KRT34: variants seen among roughly 807,000 people sequenced by gnomAD.
The protein encoded by KRT34 is keratin, type I cuticular Ha4.
Under a neutral mutation model 41.7 loss-of-function variants are expected in KRT34, and 31 were observed. The observed-to-expected ratio is 0.74, with a 90% CI of 0.56 to 1.00. The LOEUF is 1.00. Ranked by LOEUF, KRT34 falls within the 50% of genes least tolerant of loss-of-function variation. The pLI, the probability that KRT34 is intolerant of heterozygous loss-of-function variation, is 0.00. For synonymous variants in KRT34, 224 were observed against 212.9 expected (o/e 1.05, Z -0.45); for missense variants, 523 against 500.3 (o/e 1.05, Z -0.43).
chr17:41,382,450 C>T, upstream of KRT34: 3 of 1,200,144 alleles, frequency 2.5e-6, no homozygotes, highest in South Asian at 1.4e-5. Context: ...CCCCCCTCAA[C>T]CCATAAAATT....
chr17:41,382,339 C>A, upstream of KRT34: 1 of 1,612,700 alleles, frequency 6.2e-7, no homozygotes, highest in Non-Finnish European at 8.5e-7. Flanking sequence ...CCTTTTATAC[C>A]ATTAATTGTG....
At chr17:41,381,269 T>A in intron 2 of KRT34, 57 bp from the exon 3 acceptor site, 1 of 1,562,934 alleles carries the variant, frequency 6.4e-7, no homozygotes, top group Non-Finnish European at 8.7e-7. Flanking sequence ...TCCCCTCTCA[T>A]GTGTTGTTTG....
chr17:41,381,573 C>T (rs890325230), intron 2 of KRT34, 140 bp downstream of exon 2: 1 of 748,086 alleles, frequency 1.3e-6, no homozygotes, highest in Non-Finnish European at 2.2e-6. Context: ...GCACATGAGT[C>T]TAGTTCCCTA....
At chr17:41,378,873 A>G in intron 6 of KRT34, 83 bp downstream of exon 6, 3 of 1,555,094 alleles carry the variant, frequency 1.9e-6, no homozygotes, top group Non-Finnish European at 2.6e-6. Context: ...TTGCCTGACT[A>G]GTTGAAAACA....
upstream of KRT34, among the ~76,000 whole-genome samples, chr17:41,382,660 C>T (rs1386434701): frequency 6.6e-6 from 1 of 152,196 alleles, no homozygotes; most frequent in Non-Finnish European, 1.5e-5. Context: ...GAGTTTCCGC[C>T]ACTGTTCTTT....
At position 41,379,658 on chromosome 17, in the gene KRT34, A is replaced by G; in HGVS notation, c.662T>C (p.Leu221Pro). 1.2e-6 allele frequency: 2 copies of G among 1,614,184 alleles called. No homozygotes were observed. Among genetic ancestry groups the G allele is most frequent in the Non-Finnish European group, 1.7e-6 (2 of 1,180,010 alleles). The change falls in exon 4 of 7, where the codon CTG becomes CCG. Residue 221 changes from leucine to proline, a missense_variant. Coordinates refer to ENST00000394001, the MANE Select transcript of KRT34 (RefSeq NM_001386014.1). ...CCTGGTCTCGTTCAGGACCTGGTTC[A>G]GGTCCACAGTGGGGGCAGTGTCCAC... ...VEVDTAPTVD[L>P]NQVLNETRSQ... is the part of the protein sequence containing the mutation.
At chr17:41,380,964 T>A in intron 3 of KRT34, 92 bp downstream of exon 3, 1 of 1,270,336 alleles carries the variant, frequency 7.9e-7, no homozygotes, top group East Asian at 2.3e-5. Context: ...CAGAGAAGGG[T>A]CCCAGACCAG....
At position 41,378,023 on chromosome 17, in the gene KRT34, G is replaced by A; in HGVS notation, c.*36C>T. ...GATCCTTCCTGTGGTTGATCTAAAT[G>A]GCTTTGTAGATGTCTTCAAAGAGGA... On this transcript the variant is annotated 3_prime_UTR_variant, in exon 7 of 7. Transcript: ENST00000394001. 6.8e-7 allele frequency: 1 copy of A among 1,474,584 alleles called. No individual in the cohort carries two copies. The allele number at this position is 1,474,584 out of a possible 1,614,324, so 91.3% of individuals were successfully genotyped here.
chr17:41,377,761 C>A lies in KRT34; in HGVS notation c.*298G>T, dbSNP rs1453470399. 1 of 361,254 alleles carries A rather than the reference C, an allele frequency of 2.8e-6. No homozygotes were observed. Among genetic ancestry groups the A allele is most frequent in the Non-Finnish European group, 5.0e-6 (1 of 199,580 alleles). 22.4% of individuals were successfully genotyped at this position (361,254 alleles called of 1,614,324 possible). ...AAAGAAAAAAGGAAAACAGGAAATG[C>A]AGTAGTACGTTCAGGAAACACCTTA... On this transcript the variant is annotated 3_prime_UTR_variant, in exon 7 of 7. Transcript: ENST00000394001.
At position 41,381,141 on chromosome 17, in the gene KRT34, T is replaced by C; in HGVS notation, c.503A>G (p.Glu168Gly). ...DINSIRRILD[E>G]LTLCKSDLES... ...CAGGTCAGACTTGCAGAGGGTCAGCTCATCCAGGATCCTGCGTATGCTGTT... is the reference window on the plus strand; with the variant it reads ...CAGGTCAGACTTGCAGAGGGTCAGCCCATCCAGGATCCTGCGTATGCTGTT... The change falls in exon 3 of 7, where the codon GAG (glutamate) becomes GGG (glycine). Residue 168 changes from glutamate (E) to glycine (G), a missense_variant. Physicochemically the swap from Glu to Gly is moderately conservative, Grantham distance 98. Transcript: ENST00000394001. 2 of 1,614,146 alleles carry C rather than the reference T, an allele frequency of 1.2e-6. No homozygotes were observed. The highest frequency in any genetic ancestry group is 1.7e-6 in the Non-Finnish European group (2 of 1,180,004).
rs2017970786 is a variant in KRT34 at position 41,381,060 on chromosome 17, T to G, written c.584A>C (p.Glu195Ala). The change falls in exon 3 of 7, where the codon GAG (glutamate) becomes GCG (alanine). Residue 195 changes from glutamate (E) to alanine (A), a missense_variant. By Grantham distance (107) the Glu-to-Ala change is moderately radical. Coordinates refer to ENST00000394001, the MANE Select transcript of KRT34 (RefSeq NM_001386014.1). ...TTTTGTGAATTTGTTTCATACCTCC[T>G]CATGGTTCTTCTTCAAGCAGATCAG... ...EELICLKKNH[E>A]EEVNTLRSQL... is the part of the protein sequence containing the mutation. 6.2e-7 allele frequency: 1 copy of G among 1,614,070 alleles called. No individual in the cohort carries two copies. The highest frequency in any genetic ancestry group is 8.5e-7 in the Non-Finnish European group (1 of 1,180,000).
At position 41,378,957 on chromosome 17, in the gene KRT34, T is replaced by C; in HGVS notation, c.1096A>G (p.Lys366Glu). 6.2e-7 allele frequency: 1 copy of C among 1,614,126 alleles called. No homozygotes were observed. Among genetic ancestry groups the C allele is most frequent in the South Asian group, 1.1e-5 (1 of 91,080 alleles). ...YRSLLESEDCKLPCNPCATTN... is the reference protein window; with the variant it reads ...YRSLLESEDCELPCNPCATTN... ...AGACATTATTTGCCCCATACTCACTTGCAGTCCTCACTCTCCAGGAGGCTC... is the reference window on the plus strand; with the variant it reads ...AGACATTATTTGCCCCATACTCACTCGCAGTCCTCACTCTCCAGGAGGCTC... The change falls in exon 6 of 7, where the codon AAG becomes GAG. Residue 366 changes from lysine to glutamate, a missense_variant and splice_region_variant. Lys to Glu is a moderately conservative substitution (Grantham distance 56). Transcript: ENST00000394001.
intron 6 of KRT34, 131 bp downstream of exon 6, chr17:41,378,825 C>T (rs1022020579): frequency 3.0e-6 from 4 of 1,317,628 alleles, no homozygotes; most frequent in Non-Finnish European, 4.3e-6. Context: ...GCTTAGCTAT[C>T]ACAGATCACT....
rs1168312192 is a variant in KRT34, at chr17:41,381,212, C to T, written c.432G>A (p.Lys144=). Residue 144 remains lysine (K), a splice_region_variant and synonymous_variant, in exon 3 of 7, where the codon AAG becomes AAA. Coordinates refer to ENST00000394001, the MANE Select transcript of KRT34 (RefSeq NM_001386014.1). The part of the protein sequence containing the change: ...AKLASDDFRS[K]YQTEQSLRLL... ...GCCTCAGGGACTGCTCCGTCTGGTACCTGCACGTGTCGGAGTGGGAGGATA... is the reference window on the plus strand; with the variant it reads ...GCCTCAGGGACTGCTCCGTCTGGTATCTGCACGTGTCGGAGTGGGAGGATA... 3.1e-6 allele frequency: 5 copies of T among 1,612,650 alleles called. No homozygotes were observed. The highest frequency in any genetic ancestry group is 2.7e-5 in the African/African-American group (2 of 74,868).
chr17:41,383,059 G>T (rs142235305), upstream of KRT34, among the ~76,000 whole-genome samples: 1 of 148,322 alleles, frequency 6.7e-6, no homozygotes, highest in Non-Finnish European at 1.5e-5. Context: ...TCACTCTGTC[G>T]CCCAGGCTGG....
At chr17:41,383,024 G>GTT (rs1303609733), upstream of KRT34, among the ~76,000 whole-genome samples, 128 of 143,886 alleles carry the variant, frequency 8.9e-4, no homozygotes, top group African/African-American at 2.8e-3. Flanking sequence ...TTTGTTTTCT[G>GTT]TTTTTTTTTT....
At chr17:41,378,529 G>T (rs9905005) in intron 6 of KRT34, among the ~76,000 whole-genome samples, 8,078 of 151,914 alleles carry the variant, frequency 0.053, 57 homozygotes, top group African/African-American at 0.13. Flanking sequence ...GACCTCAAGT[G>T]ATCCACCCAC....
chr17:41,379,892 A>C (rs1464828097), intron 3 of KRT34, among the ~76,000 whole-genome samples, 161 bp from the exon 4 acceptor site: 1 of 151,930 alleles, frequency 6.6e-6, no homozygotes, highest in Non-Finnish European at 1.5e-5. Flanking sequence ...TCCAACAGGG[A>C]TCACATCAAT....
At chr17:41,382,950 T>G (rs2144337792), upstream of KRT34, among the ~76,000 whole-genome samples, 1 of 152,158 alleles carries the variant, frequency 6.6e-6, no homozygotes, top group South Asian at 2.1e-4. Flanking sequence ...AGAGGGCATC[T>G]GCAAATGGCA....
Sources: gnomAD v4.1 joint callset for allele counts (sites outside exome capture counted in the v4.1 genomes callset) on GRCh38, gnomAD v4.1.1 for gene constraint, MANE v1.5 for transcripts, NCBI Gene and HGNC (gene_info 2026-07-23, HGNC 2026-07-21) for gene names.